The following KDM1B variants were observed in gnomAD, a reference collection of about 807,000 sequenced individuals.
KDM1B encodes the protein lysine demethylase 1B, also known as lysine-specific histone demethylase 2.
In KDM1B, 63 loss-of-function variants were observed where a neutral mutation model predicts 107.4. The observed-to-expected ratio is 0.59, with a 90% CI of 0.48 to 0.72. KDM1B has a LOEUF of 0.72. KDM1B is among the 30% of genes least tolerant of loss of function. The pLI, the probability that KDM1B is intolerant of heterozygous loss-of-function variation, is 0.00. For missense variants in KDM1B, 749 were observed against 1,020.8 expected (o/e 0.73, Z 3.63); for synonymous variants, 363 against 363.9 (o/e 1.00, Z 0.03).
rs546059345 is a variant in KDM1B, at chr6:18,155,896, C to T, written c.-44C>T. ...CTTTCTGTACAGCGGTGCCTTTTCC[C>T]CGAGACTCCCGGCACCTCTTCAGCG... is the stretch of plus-strand genomic sequence containing the variant. On this transcript the variant is annotated 5_prime_UTR_variant, in exon 2 of 22. Transcript: ENST00000650836. This position sits in a 1 kb window ranked among gnomAD's most constrained non-coding sequence, Gnocchi z 6.2. The T allele has an allele frequency of 2.0e-5, 3 of 152,296 alleles. No homozygotes were observed. In the East Asian group the frequency reaches 5.8e-4, roughly 30 times the overall value. The allele number at this position is 152,296 out of a possible 1,614,324, so 9.4% of individuals were successfully genotyped here. A position where few individuals can be genotyped will look rare whatever the true frequency, so the allele number is the denominator to read the frequency against.
chr6:18,182,499 A>G (rs757238424), intron 7 of KDM1B, among the ~76,000 whole-genome samples: 5 of 152,034 alleles, frequency 3.3e-5, no homozygotes, highest in Non-Finnish European at 5.9e-5. Context: ...AGATGTGTCC[A>G]TGTAAGTATA....
chr6:18,205,577 T>C lies in KDM1B; in HGVS notation c.1572T>C (p.Ser524=). ...TCTACAAGGCATTTATTAAGGAATC[T>C]GGTATCCAATTCAGTGAGCTGGAGG... is the stretch of plus-strand genomic sequence containing the variant. ...EEIYKAFIKE[S]GIQFSELEGQ... Residue 524 remains serine, a synonymous_variant, in exon 15 of 22, where the codon TCT becomes TCC. Transcript: ENST00000650836. The surrounding 1 kb of genome is among the most constrained non-coding windows in gnomAD (Gnocchi z 5.7). 1 of 1,547,506 alleles carries C rather than the reference T, an allele frequency of 6.5e-7. No individual in the cohort carries two copies. Among genetic ancestry groups the C allele is most frequent in the Non-Finnish European group, 8.7e-7 (1 of 1,145,264 alleles).
At chr6:18,175,831 C>T (rs1241880916) in intron 7 of KDM1B, among the ~76,000 whole-genome samples, 1 of 152,106 alleles carries the variant, frequency 6.6e-6, no homozygotes, top group Admixed American at 6.6e-5. Flanking sequence ...GTCTATGTGC[C>T]TATTTTTATA....
At position 18,213,325 on chromosome 6, in the gene KDM1B, A is replaced by G. The variant is rs1421370987; in HGVS notation, c.1984-331A>G. On this transcript the variant is annotated intron_variant, in intron 18 of 21. Coordinates refer to ENST00000650836, the MANE Select transcript of KDM1B (RefSeq NM_001364614.2). This position sits in a 1 kb window ranked among gnomAD's most constrained non-coding sequence, Gnocchi z 5.9. ...GTGGTGTGCACCTGTAATCCCAGCTACTTGGGATGCTGAGGCAGGAGAATC... is the reference window on the plus strand; with the variant it reads ...GTGGTGTGCACCTGTAATCCCAGCTGCTTGGGATGCTGAGGCAGGAGAATC... Among the ~76,000 whole-genome samples the G allele has an allele frequency of 6.6e-6, 1 of 152,058 alleles. No individual in the cohort carries two copies. The highest frequency in any genetic ancestry group is 1.9e-4 in the East Asian group (1 of 5,192).
chr6:18,217,939 T>C (rs752290574), intron 21 of KDM1B, 54 bp downstream of exon 21: 112 of 1,567,880 alleles, frequency 7.1e-5, no homozygotes, highest in Non-Finnish European at 9.7e-5. Context: ...CTGTCTTTCA[T>C]CTAAAATGAT....
chr6:18,175,739 TTA>T (rs1283042300), intron 7 of KDM1B, among the ~76,000 whole-genome samples: 1 of 152,120 alleles, frequency 6.6e-6, no homozygotes, highest in Non-Finnish European at 1.5e-5. Context: ...TTTCCCCACT[TTA>T]TGTTTTTGTT....
chr6:18,161,618 T>G (rs1784977061), intron 4 of KDM1B, among the ~76,000 whole-genome samples, 164 bp downstream of exon 4: 1 of 152,024 alleles, frequency 6.6e-6, no homozygotes. Context: ...CACCACACCC[T>G]CCTCAAGGCC....
chr6:18,167,941 T>TTA (rs1241125555), intron 6 of KDM1B, among the ~76,000 whole-genome samples: 1 of 152,086 alleles, frequency 6.6e-6, no homozygotes, highest in Non-Finnish European at 1.5e-5. Flanking sequence ...TGTTAATTCT[T>TTA]TATAGAGACA....
At chr6:18,194,082 G>C (rs1787481186) in intron 10 of KDM1B, among the ~76,000 whole-genome samples, 1 of 152,052 alleles carries the variant, frequency 6.6e-6, no homozygotes, top group Non-Finnish European at 1.5e-5. Flanking sequence ...CACCATGTTG[G>C]CCAGGCTGGT....
chr6:18,156,716 A>G (rs1196948351), intron 2 of KDM1B, among the ~76,000 whole-genome samples: 1 of 152,116 alleles, frequency 6.6e-6, no homozygotes, highest in East Asian at 1.9e-4. Context: ...GAGTACTTCA[A>G]GACCAGCCTG....
rs1275158284 is a variant in KDM1B, at chr6:18,159,694, G to A, written c.-13-189G>A. 6.6e-6 allele frequency among the ~76,000 whole-genome samples: 1 copy of A among 152,172 alleles called. No individual in the cohort carries two copies. The highest frequency in any genetic ancestry group is 1.5e-5 in the Non-Finnish European group (1 of 68,024). ...GAGCTGAGGTGGGAGAATCGCTTGA[G>A]CCCAGGAGTTCCAGGCTAGCCTGGG... On this transcript the variant is annotated intron_variant, in intron 2 of 21. Coordinates refer to ENST00000650836, the MANE Select transcript of KDM1B (RefSeq NM_001364614.2). The surrounding 1 kb of genome is among the most constrained non-coding windows in gnomAD (Gnocchi z 4.5).
At chr6:18,218,905 TTTTA>T (rs1789452169) in intron 21 of KDM1B, among the ~76,000 whole-genome samples, 2 of 152,152 alleles carry the variant, frequency 1.3e-5, no homozygotes, top group Non-Finnish European at 2.9e-5. Context: ...TTATTTTAAA[TTTTA>T]TTTATTTTTT....
chr6:18,167,561 C>T (rs1453768523), intron 6 of KDM1B, among the ~76,000 whole-genome samples: 2 of 151,788 alleles, frequency 1.3e-5, no homozygotes, highest in African/African-American at 4.8e-5. Flanking sequence ...ACAACCTCCA[C>T]CTCCCGGGCT....
At chr6:18,207,157 A>G (rs1033792908) in intron 15 of KDM1B, among the ~76,000 whole-genome samples, 1 of 152,176 alleles carries the variant, frequency 6.6e-6, no homozygotes, top group East Asian at 1.9e-4. Flanking sequence ...ATCAGCTTCT[A>G]TTTTTATCAA....
intron 6 of KDM1B, 130 bp from the exon 7 acceptor site, chr6:18,171,231 TGG>T: frequency 1.5e-6 from 1 of 683,410 alleles, no homozygotes; most frequent in Non-Finnish European, 2.7e-6. Context: ...ATATGGATGA[TGG>T]TAATGCAAGG....
rs1788036196 is a variant in KDM1B, at chr6:18,201,583, A to G, written c.1457A>G (p.His486Arg). The change falls in exon 14 of 22, where the codon CAT (histidine) becomes CGT (arginine). Residue 486 changes from histidine (H) to arginine (R), a missense_variant. Physicochemically the swap from His to Arg is conservative, Grantham distance 29 (BLOSUM62 0). Coordinates refer to ENST00000650836, the MANE Select transcript of KDM1B (RefSeq NM_001364614.2). This position sits in a 1 kb window ranked among gnomAD's most constrained non-coding sequence, Gnocchi z 4.3. Reference sequence around the variant, plus strand: ...ACTATTGACAAGCGCATGGATTTTCATTTTAATGCTCTCTTGGATGTTGTC... The same window carrying G: ...ACTATTGACAAGCGCATGGATTTTCGTTTTAATGCTCTCTTGGATGTTGTC... The part of the protein sequence containing the change: ...DPTIDKRMDF[H>R]FNALLDVVSE... The G allele has an allele frequency of 6.4e-7, 1 of 1,550,610 alleles. No individual in the cohort carries two copies. The highest frequency in any genetic ancestry group is 8.7e-7 in the Non-Finnish European group (1 of 1,146,888).
chr6:18,206,291 G>A (rs897559787), intron 15 of KDM1B, among the ~76,000 whole-genome samples: 7 of 152,068 alleles, frequency 4.6e-5, no homozygotes, highest in East Asian at 1.9e-4. Context: ...CAAGACAGGC[G>A]GATTGTTTGA....
Position 18,200,511 on chromosome 6 carries a change from G to T in KDM1B, c.1294G>T (p.Val432Leu), listed in dbSNP as rs750714610. 6.2e-7 allele frequency: 1 copy of T among 1,614,132 alleles called. No homozygotes were observed. Among genetic ancestry groups the T allele is most frequent in the Non-Finnish European group, 8.5e-7 (1 of 1,179,978 alleles). Residue 432 changes from valine (V) to leucine (L), a missense_variant, in exon 13 of 22, where the codon GTG becomes TTG. Transcript: ENST00000650836. This position sits in a 1 kb window ranked among gnomAD's most constrained non-coding sequence, Gnocchi z 4.3. The part of the protein sequence containing the change: ...WDDKSFKGVT[V>L]GRGAQIVNGC... Reference sequence around the variant, plus strand: ...TGATAAATCTTTTAAAGGCGTCACAGTGGGAAGAGGAGCTCAGATTGTCAA... The same window carrying T: ...TGATAAATCTTTTAAAGGCGTCACATTGGGAAGAGGAGCTCAGATTGTCAA...
intron 17 of KDM1B, among the ~76,000 whole-genome samples, chr6:18,210,314 TTTTC>T (rs1015222007): frequency 4.3e-5 from 6 of 140,676 alleles, no homozygotes; most frequent in African/African-American, 7.5e-5. Flanking sequence ...TACCCAAGGC[TTTTC>T]TTTCTTTTTT....
Sources: allele counts gnomAD v4.1 joint callset (sites outside exome capture counted in the v4.1 genomes callset), GRCh38; gene constraint gnomAD v4.1.1; non-coding constraint Gnocchi (gnomAD v3.1); transcripts MANE v1.5; gene names NCBI Gene and HGNC (gene_info 2026-07-23, HGNC 2026-07-21).